ACTR3C: variants seen among roughly 807,000 people sequenced by gnomAD.
ACTR3C encodes the protein actin-related protein 3C.
Under a neutral mutation model 26.3 loss-of-function variants are expected in ACTR3C, and 18 were observed. The ratio of observed to expected loss-of-function variants is 0.68; its 90% CI spans 0.47 to 1.01. The LOEUF (loss-of-function observed/expected upper bound fraction) is 1.01, where lower values mean the gene tolerates loss of function less well. Ranked by LOEUF, ACTR3C falls within the 50% of genes least tolerant of loss-of-function variation. The probability of loss-of-function intolerance (pLI) is 0.00; values close to 1 mark genes in which losing one functional copy is unlikely to be tolerated. For synonymous variants in ACTR3C, 55 were observed against 94.5 expected, an observed-to-expected ratio of 0.58 and a Z score of 2.42; for missense variants, 184 against 250.7, an observed-to-expected ratio of 0.73 and a Z score of 1.80.
At chr7:150,287,311 G>A (rs1432216023) in intron 4 of ACTR3C, among the ~76,000 whole-genome samples, 3 of 152,104 alleles carry the variant, frequency 2.0e-5, no homozygotes, top group African/African-American at 4.8e-5. Context: ...GATAGGTCCC[G>A]GGGAAGAAAG....
chr7:150,151,379 ATTAAT>A, the ACTR3C span, among the ~76,000 whole-genome samples: 1 of 137,996 alleles, frequency 7.2e-6, no homozygotes, highest in Non-Finnish European at 1.6e-5. Context: ...CTTAATTTAT[ATTAAT>A]TTATTTCTAT....
the ACTR3C span, among the ~76,000 whole-genome samples, chr7:149,929,812 T>A: frequency 6.6e-6 from 1 of 152,200 alleles, no homozygotes; most frequent in Non-Finnish European, 1.5e-5. Context: ...ATTACAGGCA[T>A]GAGCCACCGC....
chr7:150,311,648 C>T (rs1359748401), intron 1 of ACTR3C, among the ~76,000 whole-genome samples: 1 of 152,032 alleles, frequency 6.6e-6, no homozygotes, highest in Non-Finnish European at 1.5e-5. Flanking sequence ...TAGCATCTTC[C>T]CCCTTTCCTC....
the ACTR3C span, among the ~76,000 whole-genome samples, chr7:150,035,299 C>A: frequency 7.1e-4 from 38 of 53,504 alleles, 15 homozygotes; most frequent in South Asian, 3.2e-3. Flanking sequence ...TGCCTCCCCC[C>A]CCTTGCGATG....
intron 6 of ACTR3C, among the ~76,000 whole-genome samples, chr7:150,273,477 C>T (rs1315565371): frequency 6.6e-6 from 1 of 151,506 alleles, no homozygotes; most frequent in Admixed American, 6.6e-5. Flanking sequence ...CCTGTGTTGC[C>T]CAGGCTGGTC....
the ACTR3C span, among the ~76,000 whole-genome samples, chr7:150,108,280 AG>A: frequency 6.7e-6 from 1 of 149,672 alleles, no homozygotes; most frequent in African/African-American, 2.5e-5. Flanking sequence ...TAAATGAAAG[AG>A]ATATTATAAG....
the ACTR3C span, among the ~76,000 whole-genome samples, chr7:150,191,561 A>C: frequency 6.6e-6 from 1 of 152,180 alleles, no homozygotes; most frequent in Non-Finnish European, 1.5e-5. Context: ...TTTGACCTTG[A>C]ATCTTGTGAC....
the ACTR3C span, among the ~76,000 whole-genome samples, chr7:150,207,227 C>T: frequency 6.6e-6 from 1 of 152,148 alleles, no homozygotes; most frequent in Admixed American, 6.5e-5. Context: ...CCTTTCCTAC[C>T]TAAACCACAC....
At chr7:149,963,590 C>T in the ACTR3C span, among the ~76,000 whole-genome samples, 3 of 152,298 alleles carry the variant, frequency 2.0e-5, no homozygotes, top group South Asian at 6.2e-4. Flanking sequence ...CAGAGCCCTT[C>T]AGAACAACAG....
chr7:150,169,225 C>CA, the ACTR3C span, among the ~76,000 whole-genome samples: 4 of 149,580 alleles, frequency 2.7e-5, no homozygotes, highest in Admixed American at 6.6e-5. Flanking sequence ...ACCAAAAATA[C>CA]AAAAAAAGTT....
intron 6 of ACTR3C, among the ~76,000 whole-genome samples, chr7:150,256,259 A>G (rs930185680): frequency 1.3e-5 from 2 of 152,208 alleles, no homozygotes; most frequent in African/African-American, 4.8e-5. Flanking sequence ...TTCCTGGTAG[A>G]ACAATTTATA....
chr7:149,915,429 A>C, the ACTR3C span, among the ~76,000 whole-genome samples: 7 of 152,256 alleles, frequency 4.6e-5, no homozygotes, highest in Admixed American at 1.3e-4. Context: ...CCTACCCTTA[A>C]AAATAATATT....
chr7:150,020,564 G>A, the ACTR3C span, among the ~76,000 whole-genome samples: 1 of 151,890 alleles, frequency 6.6e-6, no homozygotes, highest in Non-Finnish European at 1.5e-5. Flanking sequence ...TTTGTTTCAC[G>A]CCATGCTTAA....
the ACTR3C span, among the ~76,000 whole-genome samples, chr7:150,029,114 T>A: frequency 6.6e-6 from 1 of 151,928 alleles, no homozygotes; most frequent in Non-Finnish European, 1.5e-5. Flanking sequence ...CACCACAGGA[T>A]TGCTGTGTCA....
the ACTR3C span, among the ~76,000 whole-genome samples, chr7:149,917,937 A>C: frequency 2.0e-5 from 3 of 152,200 alleles, no homozygotes; most frequent in South Asian, 6.2e-4. Context: ...TGGTTTTGAT[A>C]AAAGTAAAAT....
chr7:150,145,921 A>T, the ACTR3C span, among the ~76,000 whole-genome samples: 1 of 146,010 alleles, frequency 6.8e-6, no homozygotes, highest in Non-Finnish European at 1.5e-5. Flanking sequence ...GTATTTATGT[A>T]AAAGAGATTA....
the ACTR3C span, among the ~76,000 whole-genome samples, chr7:150,043,398 G>A: frequency 2.6e-5 from 4 of 151,898 alleles, no homozygotes; most frequent in South Asian, 2.1e-4. Flanking sequence ...CAACCACCAC[G>A]AAATGGGAGG....
At chr7:150,068,169 A>C in the ACTR3C span, among the ~76,000 whole-genome samples, 3 of 152,238 alleles carry the variant, frequency 2.0e-5, no homozygotes, top group Non-Finnish European at 4.4e-5. Context: ...GTCTGGGCTT[A>C]GATAAACTAG....
the ACTR3C span, among the ~76,000 whole-genome samples, chr7:150,012,545 G>A: frequency 1.3e-5 from 2 of 150,538 alleles, no homozygotes; most frequent in African/African-American, 4.9e-5. Flanking sequence ...TCGATCTCCT[G>A]ACCTCATGAT....
Sources: gnomAD v4.1 joint callset for allele counts (sites outside exome capture counted in the v4.1 genomes callset) on GRCh38, gnomAD v4.1.1 for gene constraint, MANE v1.5 for transcripts, NCBI Gene and HGNC (gene_info 2026-07-23, HGNC 2026-07-21) for gene names.